BBS9: variants seen among roughly 807,000 people sequenced by gnomAD.
The protein encoded by BBS9 is protein PTHB1.
BBS9 carries 89 observed loss-of-function variants against 117.7 expected under a neutral mutation model. The ratio of observed to expected loss-of-function variants is 0.76; its 90% CI spans 0.64 to 0.90. The LOEUF is 0.90. Among genes scored for constraint, BBS9 ranks in the 40% least tolerant of loss-of-function variants. BBS9 has a pLI of 0.00. For synonymous variants in BBS9, 379 were observed against 370.9 expected (o/e 1.02, Z -0.25); for missense variants, 982 against 1,042.2 (o/e 0.94, Z 0.80).
chr7:33,556,911 T>A (rs1314405434), intron 21 of BBS9, among the ~76,000 whole-genome samples: 1 of 152,222 alleles, frequency 6.6e-6, no homozygotes, highest in Non-Finnish European at 1.5e-5. Flanking sequence ...ACAAGAAGAC[T>A]AACCTAATCT....
At chr7:33,344,500 T>C (rs1817233522) in intron 11 of BBS9, 81 bp from the exon 12 acceptor site, 2 of 1,184,534 alleles carry the variant, frequency 1.7e-6, no homozygotes, top group Non-Finnish European at 2.5e-6. Flanking sequence ...GTAGGAAATA[T>C]ACATTGCACT....
At chr7:33,351,396 GA>G in intron 14 of BBS9, 73 bp downstream of exon 14, 3 of 951,722 alleles carry the variant, frequency 3.2e-6, no homozygotes, top group Non-Finnish European at 5.2e-6. Flanking sequence ...TTTAAGATGA[GA>G]AAACATACTG....
At chr7:33,543,163 T>C in intron 21 of BBS9, among the ~76,000 whole-genome samples, 1 of 152,086 alleles carries the variant, frequency 6.6e-6, no homozygotes, top group East Asian at 1.9e-4. Flanking sequence ...CTTGCAGGAG[T>C]AAGGTGGTAT....
intron 21 of BBS9, among the ~76,000 whole-genome samples, chr7:33,569,042 GA>G (rs1857351076): frequency 6.6e-6 from 1 of 152,016 alleles, no homozygotes; most frequent in Non-Finnish European, 1.5e-5. Context: ...TAAATAAATA[GA>G]TCAATAAAAC....
intron 6 of BBS9, among the ~76,000 whole-genome samples, chr7:33,263,455 CATTA>C (rs1381492630): frequency 6.6e-6 from 1 of 151,878 alleles, no homozygotes; most frequent in Admixed American, 6.6e-5. Flanking sequence ...AAAAATATGC[CATTA>C]ATTAATGAGA....
intron 5 of BBS9, among the ~76,000 whole-genome samples, chr7:33,205,219 A>G (rs1262849454): frequency 6.6e-6 from 1 of 152,166 alleles, no homozygotes; most frequent in Non-Finnish European, 1.5e-5. Flanking sequence ...ATTTAGTAGA[A>G]CCATGGCTGT....
intron 13 of BBS9, among the ~76,000 whole-genome samples, chr7:33,350,158 C>CT (rs1818358667): frequency 6.6e-6 from 1 of 151,946 alleles, no homozygotes; most frequent in East Asian, 1.9e-4. Flanking sequence ...AGTCTTTTTT[C>CT]TTTTTTTAGT....
rs182638005 is a variant in BBS9, at chr7:33,454,710, A to G, written c.2116-50753A>G. Among the ~76,000 whole-genome samples, 61 of 152,316 alleles carry G rather than the reference A, an allele frequency of 4.0e-4. No individual in the cohort carries two copies. The East Asian group carries it at 0.012, about 29-fold the overall frequency. ...GGTAGATGGATGTAGGCTTGTGCAC[A>G]CCTGCTATATAGTGAGTCCTGGGGA... On this transcript the variant is annotated intron_variant, in intron 19 of 22. Coordinates refer to ENST00000242067, the MANE Select transcript of BBS9 (RefSeq NM_198428.3).
intron 19 of BBS9, among the ~76,000 whole-genome samples, chr7:33,497,596 G>A (rs916566984): frequency 6.6e-6 from 1 of 152,052 alleles, no homozygotes; most frequent in Non-Finnish European, 1.5e-5. Context: ...GCAATGTCTG[G>A]CTCCCCAAGT....
In BBS9 at chr7:33,635,232, G is replaced by A. The variant is rs1043631381; in HGVS notation, c.2577G>A (p.Leu859=). ...GGACCCTAAGAATACCCCACTCCCT[G>A]AGCCAGCATCTCCAGCTGATGGAGG... Residue 859 remains leucine (L), a synonymous_variant, in exon 22 of 22, where the codon CTG becomes CTA. Coordinates refer to the BBS9 transcript ENST00000671952. Among the ~76,000 whole-genome samples the A allele has an allele frequency of 6.6e-6, 1 of 151,766 alleles. No homozygotes were observed. The highest frequency in any genetic ancestry group is 1.9e-4 in the East Asian group (1 of 5,182).
chr7:33,165,657 C>G (rs369680199), intron 4 of BBS9, among the ~76,000 whole-genome samples: 1 of 151,978 alleles, frequency 6.6e-6, no homozygotes, highest in African/African-American at 2.4e-5. Flanking sequence ...TCTTGTAGTT[C>G]TTGTGCCATG....
intron 21 of BBS9, among the ~76,000 whole-genome samples, chr7:33,631,192 G>A (rs1865876127): frequency 6.6e-6 from 1 of 152,142 alleles, no homozygotes; most frequent in African/African-American, 2.4e-5. Flanking sequence ...CCGTGTGTCT[G>A]GTCCACAGAG....
intron 9 of BBS9, chr7:33,314,297 A>C (rs1406552693): frequency 2.4e-6 from 1 of 424,206 alleles, no homozygotes; most frequent in Non-Finnish European, 4.6e-6. Flanking sequence ...TCGATCTTCC[A>C]CTTTAGAAAA....
chr7:33,373,644 G>A (rs76555686), intron 17 of BBS9, among the ~76,000 whole-genome samples: 4,167 of 152,230 alleles, frequency 0.027, 191 homozygotes, highest in African/African-American at 0.091. Context: ...TATACCTAAT[G>A]TGTAGCAAAT....
Position 33,408,963 on chromosome 7 carries a change from T to C in BBS9, c.2115+20819T>C, listed in dbSNP as rs143635862. 2.4e-3 allele frequency among the ~76,000 whole-genome samples: 365 copies of C among 152,386 alleles called. 3 individuals are homozygous for C. Among genetic ancestry groups the C allele is most frequent in the Middle Eastern group, 3.4e-3 (1 of 294 alleles). ...TTTGCATTTATCTGATGATTAGTGA[T>C]GATGAACATTTATTCATATGTTTGT... On this transcript the variant is annotated intron_variant, in intron 19 of 22. Coordinates refer to ENST00000242067, the MANE Select transcript of BBS9 (RefSeq NM_198428.3).
chr7:33,175,633 G>A (rs140624208), intron 4 of BBS9, among the ~76,000 whole-genome samples: 36 of 152,190 alleles, frequency 2.4e-4, no homozygotes, highest in African/African-American at 8.2e-4. Flanking sequence ...TACCTTACTT[G>A]AACATGGTCT....
intron 19 of BBS9, among the ~76,000 whole-genome samples, chr7:33,484,832 A>T (rs1161886822): frequency 6.6e-6 from 1 of 152,222 alleles, no homozygotes; most frequent in Non-Finnish European, 1.5e-5. Context: ...TGTTATAAAG[A>T]TACAAGCATA....
chr7:33,452,978 CTG>C (rs1381856506), intron 19 of BBS9, among the ~76,000 whole-genome samples: 5 of 152,156 alleles, frequency 3.3e-5, no homozygotes, highest in Non-Finnish European at 5.9e-5. Flanking sequence ...AGTTACATGA[CTG>C]TGCACTTTAT....
intron 21 of BBS9, among the ~76,000 whole-genome samples, chr7:33,557,392 T>G (rs1337177003): frequency 6.6e-6 from 1 of 152,220 alleles, no homozygotes; most frequent in Non-Finnish European, 1.5e-5. Flanking sequence ...GTTTCTTTAT[T>G]GTAGTAATAC....
Sources: allele counts gnomAD v4.1 joint callset (sites outside exome capture counted in the v4.1 genomes callset), GRCh38; gene constraint gnomAD v4.1.1; transcripts MANE v1.5; gene names NCBI Gene and HGNC (gene_info 2026-07-23, HGNC 2026-07-21).